The following PPDPFL variants were observed in gnomAD, a reference collection of about 807,000 sequenced individuals.
The protein encoded by PPDPFL is pancreatic progenitor cell differentiation and proliferation factor-like protein.
Under a neutral mutation model 12.6 loss-of-function variants are expected in PPDPFL, and 12 were observed. The observed-to-expected ratio is 0.95, with a 90% confidence interval of 0.61 to 1.54. The LOEUF (loss-of-function observed/expected upper bound fraction) is 1.54, where lower values mean the gene tolerates loss of function less well. Ranked by LOEUF, PPDPFL falls within the 40% of genes most tolerant of loss-of-function variation. The pLI, the probability that PPDPFL is intolerant of heterozygous loss-of-function variation, is 0.00. For missense variants in PPDPFL, 114 were observed against 96.0 expected (o/e 1.19, Z -0.78); for synonymous variants, 24 against 32.7 (o/e 0.73, Z 0.91).
chr8:49,068,150 A>G (rs754748498), upstream of PPDPFL, among the ~76,000 whole-genome samples: 9 of 152,196 alleles, frequency 5.9e-5, no homozygotes, highest in Non-Finnish European at 1.3e-4. Flanking sequence ...AAACTACCAT[A>G]TCTGTCAGGT....
chr8:49,074,962 T>C (rs903553404), intron 4 of PPDPFL, 190 bp from the exon 5 acceptor site: 1 of 1,374,992 alleles, frequency 7.3e-7, no homozygotes, highest in Non-Finnish European at 9.6e-7. Context: ...GAATTTCCTA[T>C]CTAAGACAAA....
intron 2 of PPDPFL, 125 bp downstream of exon 2, chr8:49,073,010 A>G: frequency 1.1e-6 from 1 of 878,230 alleles, no homozygotes; most frequent in South Asian, 1.6e-5. Context: ...GGTGACAATG[A>G]AGAAAGCAGG....
chr8:49,075,034 A>T (rs1808468296), intron 4 of PPDPFL, 118 bp from the exon 5 acceptor site: 1 of 1,472,732 alleles, frequency 6.8e-7, no homozygotes, highest in Non-Finnish European at 9.2e-7. Context: ...CCAATGCAAG[A>T]TTGATTGTTG....
At chr8:49,055,552 T>C (rs1224932333) in intron 1 of PPDPFL, among the ~76,000 whole-genome samples, 2 of 152,182 alleles carry the variant, frequency 1.3e-5, no homozygotes, top group African/African-American at 4.8e-5. Flanking sequence ...GTTTTAAATA[T>C]GATATTACAT....
chr8:49,073,311 A>G (rs973137622), intron 2 of PPDPFL, among the ~76,000 whole-genome samples: 10 of 152,218 alleles, frequency 6.6e-5, no homozygotes, highest in African/African-American at 2.2e-4. Context: ...CTATCTGGCC[A>G]GTTTTATTTT....
chr8:49,055,301 T>TG (rs1260649773), intron 1 of PPDPFL, among the ~76,000 whole-genome samples: 11 of 152,176 alleles, frequency 7.2e-5, no homozygotes, highest in African/African-American at 2.7e-4. Context: ...ATCAAAGGTT[T>TG]CTGCACTGAG....
intron 1 of PPDPFL, among the ~76,000 whole-genome samples, chr8:49,066,075 G>C (rs1371123353): frequency 6.6e-6 from 1 of 152,208 alleles, no homozygotes; most frequent in Non-Finnish European, 1.5e-5. Flanking sequence ...CAAGTGGCTT[G>C]GTCTCTAAGG....
rs535658374 is a variant in PPDPFL at position 49,064,562 on chromosome 8, C to G, written c.-44-8225C>G. Reference sequence around the variant, plus strand: ...CTGGCAGTGCCGCCCAGGTTCCCCCCCAGGACAAGCCCACCGAGGCCCACT... The same window carrying G: ...CTGGCAGTGCCGCCCAGGTTCCCCCGCAGGACAAGCCCACCGAGGCCCACT... On this transcript the variant is annotated intron_variant, in intron 1 of 4. Transcript: ENST00000517663. Among the ~76,000 whole-genome samples the G allele has an allele frequency of 2.6e-5, 4 of 151,916 alleles. No homozygotes were observed. In the South Asian group the frequency reaches 6.3e-4, roughly 24 times the overall value.
chr8:49,061,184 A>G (rs1377098214), intron 1 of PPDPFL, among the ~76,000 whole-genome samples: 1 of 152,116 alleles, frequency 6.6e-6, no homozygotes, highest in East Asian at 1.9e-4. Flanking sequence ...TTAACCTTAT[A>G]ATAGGACTGG....
intron 1 of PPDPFL, among the ~76,000 whole-genome samples, chr8:49,059,976 T>A (rs1256189344): frequency 1.3e-5 from 2 of 152,154 alleles, no homozygotes; most frequent in Admixed American, 1.3e-4. Flanking sequence ...GACCATCTGA[T>A]AAAAGTTAAT....
At chr8:49,064,192 G>T (rs1022964989) in intron 1 of PPDPFL, among the ~76,000 whole-genome samples, 5 of 152,120 alleles carry the variant, frequency 3.3e-5, no homozygotes, top group African/African-American at 9.7e-5. Flanking sequence ...ATATGAACAG[G>T]ACTTTCTTGG....
At chr8:49,061,673 G>A (rs1262717335) in intron 1 of PPDPFL, among the ~76,000 whole-genome samples, 2 of 152,184 alleles carry the variant, frequency 1.3e-5, no homozygotes, top group Admixed American at 6.5e-5. Context: ...ATCTGCCAGA[G>A]GAGAGTGGGG....
At chr8:49,055,075 C>G (rs1301894839) in intron 1 of PPDPFL, among the ~76,000 whole-genome samples, 1 of 152,134 alleles carries the variant, frequency 6.6e-6, no homozygotes, top group Non-Finnish European at 1.5e-5. Flanking sequence ...CTAAAATGTG[C>G]ACATTTCTTT....
Position 49,061,443 on chromosome 8 carries a change from T to A in PPDPFL, c.-45+7074T>A, listed in dbSNP as rs1464464032. On this transcript the variant is annotated intron_variant, in intron 1 of 4. Transcript: ENST00000517663. ...TGTTTAAGTCCCCCACAGTTGGCCG[T>A]ATTTTATTACAGTGGCCTTAGCAAA... 2.6e-5 allele frequency among the ~76,000 whole-genome samples: 4 copies of A among 152,310 alleles called. No individual in the cohort carries two copies. The East Asian group carries it at 7.7e-4, about 29-fold the overall frequency.
chr8:49,070,723 G>A (rs1379956457), upstream of PPDPFL, among the ~76,000 whole-genome samples: 1 of 152,078 alleles, frequency 6.6e-6, no homozygotes, highest in Non-Finnish European at 1.5e-5. Flanking sequence ...TTTATTATTT[G>A]TTTATTTTGT....
chr8:49,073,915 T>G, intron 2 of PPDPFL, 144 bp from the exon 3 acceptor site: 1 of 619,900 alleles, frequency 1.6e-6, no homozygotes, highest in South Asian at 2.1e-5. Flanking sequence ...ATTGGTAATT[T>G]GATCAGTTTT....
chr8:49,062,923 G>C (rs1010101991), intron 1 of PPDPFL, among the ~76,000 whole-genome samples: 2 of 152,164 alleles, frequency 1.3e-5, no homozygotes, highest in Admixed American at 6.5e-5. Flanking sequence ...GTGAAGGAGG[G>C]CTGGGTTCCC....
At chr8:49,055,641 C>T (rs1461500686) in intron 1 of PPDPFL, among the ~76,000 whole-genome samples, 2 of 152,180 alleles carry the variant, frequency 1.3e-5, no homozygotes, top group Non-Finnish European at 2.9e-5. Flanking sequence ...GCATCTCCAT[C>T]TACAGCTCTG....
rs1428788149 is a variant in PPDPFL, at chr8:49,074,138, T to C, written c.133+2T>C. The stretch of plus-strand genomic sequence containing the variant: ...TAGATGACGACAAACCACAGCAAGG[T>C]ACTTAGTTATTTCTTTCAGTGTCAT... On this transcript the variant is annotated splice_donor_variant, in intron 3 of 4. Coordinates refer to ENST00000522267, the MANE Select transcript of PPDPFL (RefSeq NM_001256597.2). LOFTEE classifies it high-confidence loss of function. 1.2e-6 allele frequency: 2 copies of C among 1,610,938 alleles called. No homozygotes were observed. Among genetic ancestry groups the C allele is most frequent in the East Asian group, 2.2e-5 (1 of 44,846 alleles).
Sources: allele counts gnomAD v4.1 joint callset (sites outside exome capture counted in the v4.1 genomes callset), GRCh38; gene constraint gnomAD v4.1.1; transcripts MANE v1.5; gene names NCBI Gene and HGNC (gene_info 2026-07-23, HGNC 2026-07-21).